PDZRN3: variants seen among roughly 807,000 people sequenced by gnomAD.
The protein encoded by PDZRN3 is PDZ domain containing ring finger 3, also known as E3 ubiquitin-protein ligase PDZRN3.
In PDZRN3, 38 loss-of-function variants were observed where a neutral mutation model predicts 85.7. The observed-to-expected ratio is 0.44, with a 90% CI of 0.34 to 0.58. PDZRN3 has a LOEUF of 0.58. PDZRN3 is among the 20% of genes least tolerant of loss of function. The pLI, the probability that PDZRN3 is intolerant of heterozygous loss-of-function variation, is 0.01. For synonymous variants in PDZRN3, 759 were observed against 638.0 expected (o/e 1.19, Z -2.86); for missense variants, 1,629 against 1,506.4 (o/e 1.08, Z -1.35).
rs1352962689 is a variant in PDZRN3 at position 73,400,951 on chromosome 3, C to G, written c.1225G>C (p.Glu409Gln). The G allele has an allele frequency of 1.9e-6, 3 of 1,613,242 alleles. No homozygotes were observed. The highest frequency in any genetic ancestry group is 2.5e-6 in the Non-Finnish European group (3 of 1,179,234). ...PNDYIGDIHQ[E>Q]MDREELELEE... ...AGCTCCAGCTCCTCCCTGTCCATCT[C>G]CTGATGGATGTCTCCAATGTAGTCA... Residue 409 changes from glutamate to glutamine, a missense_variant, in exon 5 of 10, where the codon GAG becomes CAG. Glu to Gln is a conservative substitution (Grantham distance 29). Transcript: ENST00000263666.
At chr3:73,592,915 A>C (rs1702379803) in intron 3 of PDZRN3, among the ~76,000 whole-genome samples, 1 of 152,162 alleles carries the variant, frequency 6.6e-6, no homozygotes, top group African/African-American at 2.4e-5. Flanking sequence ...TGCTTAGTTT[A>C]GCTCCACAAT....
At chr3:73,586,617 C>CGG (rs568081513) in intron 3 of PDZRN3, among the ~76,000 whole-genome samples, 2 of 152,036 alleles carry the variant, frequency 1.3e-5, no homozygotes, top group Non-Finnish European at 2.9e-5. Flanking sequence ...GACACTTCAC[C>CGG]GGGGGGGTCT....
chr3:73,509,901 GC>G (rs1044246102), intron 3 of PDZRN3, among the ~76,000 whole-genome samples: 26 of 152,326 alleles, frequency 1.7e-4, no homozygotes, highest in African/African-American at 6.3e-4. Context: ...AGGGGCTGAG[GC>G]CTCCAGCCAC....
chr3:73,479,462 T>A (rs115224742), intron 3 of PDZRN3, among the ~76,000 whole-genome samples: 4,399 of 151,984 alleles, frequency 0.029, 202 homozygotes, highest in African/African-American at 0.1. Context: ...TCTCCAGGAA[T>A]ACCGAGGGGA....
intron 3 of PDZRN3, among the ~76,000 whole-genome samples, chr3:73,596,070 G>A (rs1400123834): frequency 2.6e-5 from 4 of 152,096 alleles, no homozygotes. Context: ...TTAACCTGGA[G>A]TATCTTGTGC....
intron 3 of PDZRN3, among the ~76,000 whole-genome samples, chr3:73,589,473 C>T (rs1347714795): frequency 1.3e-5 from 2 of 152,184 alleles, no homozygotes; most frequent in African/African-American, 2.4e-5. Flanking sequence ...ATAGCAATTT[C>T]CTTCCTTGTC....
chr3:73,538,415 T>C (rs909318770), intron 3 of PDZRN3, among the ~76,000 whole-genome samples: 2 of 152,198 alleles, frequency 1.3e-5, no homozygotes, highest in African/African-American at 4.8e-5. Context: ...AAAAAGTCAG[T>C]GTAGTTTTCT....
intron 3 of PDZRN3, among the ~76,000 whole-genome samples, chr3:73,422,690 G>A (rs1702228205): frequency 6.6e-6 from 1 of 152,188 alleles, no homozygotes; most frequent in Non-Finnish European, 1.5e-5. Context: ...CAATTTCTCA[G>A]TGGTGGTTGA....
intron 3 of PDZRN3, among the ~76,000 whole-genome samples, chr3:73,483,095 A>C (rs1002732416): frequency 1.3e-5 from 2 of 152,198 alleles, no homozygotes; most frequent in Admixed American, 6.5e-5. Flanking sequence ...ACTTCAGAGG[A>C]GGTCAATTAA....
At chr3:73,391,388 C>G (rs1433770382) in intron 5 of PDZRN3, among the ~76,000 whole-genome samples, 2 of 152,224 alleles carry the variant, frequency 1.3e-5, no homozygotes, top group East Asian at 3.8e-4. Flanking sequence ...CACTCAGCGT[C>G]AAGACTTCTG....
At chr3:73,584,785 C>G (rs1414620619) in intron 3 of PDZRN3, among the ~76,000 whole-genome samples, 2 of 152,106 alleles carry the variant, frequency 1.3e-5, no homozygotes, top group Non-Finnish European at 2.9e-5. Flanking sequence ...ATTAAATGCA[C>G]TCAAAATTAC....
chr3:73,561,766 G>A (rs955795939), intron 3 of PDZRN3: 8 of 152,182 alleles, frequency 5.3e-5, no homozygotes, highest in Middle Eastern at 3.4e-3. Flanking sequence ...TCTGAGGCAC[G>A]TGTTTGGGCC....
At chr3:73,452,235 C>G (rs1000233731) in intron 3 of PDZRN3, among the ~76,000 whole-genome samples, 5 of 152,060 alleles carry the variant, frequency 3.3e-5, no homozygotes, top group African/African-American at 1.2e-4. Context: ...TGGGGCTACA[C>G]GACTCAAAGG....
chr3:73,398,679 C>T (rs1701689248), intron 5 of PDZRN3, among the ~76,000 whole-genome samples: 2 of 152,210 alleles, frequency 1.3e-5, no homozygotes, highest in South Asian at 4.1e-4. Context: ...AGTCTTAACA[C>T]TTCTTTAATA....
At position 73,400,165 on chromosome 3, in the gene PDZRN3, T is replaced by C. The variant is rs113109243; in HGVS notation, c.1254+757A>G. Among the ~76,000 whole-genome samples, 533 of 152,312 alleles carry C rather than the reference T, an allele frequency of 3.5e-3. 3 individuals are homozygous for C. Among genetic ancestry groups the C allele is most frequent in the African/African-American group, 0.012 (493 of 41,582 alleles). ...TCAGGTGTCTTTTTACCTTATTCCA[T>C]AAAATCAGCTTTCAAAAATGCTGTT... On this transcript the variant is annotated intron_variant, in intron 5 of 9. Coordinates refer to ENST00000263666, the MANE Select transcript of PDZRN3 (RefSeq NM_015009.3).
intron 2 of PDZRN3, among the ~76,000 whole-genome samples, chr3:73,604,457 G>A (rs1277393132): frequency 1.3e-5 from 2 of 152,168 alleles, no homozygotes; most frequent in African/African-American, 4.8e-5. Flanking sequence ...GCTAAAAAGT[G>A]GTATGGCTCA....
At chr3:73,535,104 T>C (rs1461471223) in intron 3 of PDZRN3, among the ~76,000 whole-genome samples, 1 of 152,134 alleles carries the variant, frequency 6.6e-6, no homozygotes, top group Non-Finnish European at 1.5e-5. Context: ...GTCTTTTCCT[T>C]CTGCCTTAAC....
At chr3:73,404,497 A>T in intron 3 of PDZRN3, 102 bp from the exon 4 acceptor site, 1 of 1,278,214 alleles carries the variant, frequency 7.8e-7, no homozygotes, top group Non-Finnish European at 1.1e-6. Flanking sequence ...GCTAAAAGAA[A>T]GAAGCAGGTG....
intron 3 of PDZRN3, among the ~76,000 whole-genome samples, chr3:73,539,236 C>T (rs1309869308): frequency 6.6e-6 from 1 of 152,172 alleles, no homozygotes; most frequent in East Asian, 1.9e-4. Context: ...CTCTTAATGA[C>T]ATAGTTTCGA....
Sources: gnomAD v4.1 joint callset for allele counts (sites outside exome capture counted in the v4.1 genomes callset) on GRCh38, gnomAD v4.1.1 for gene constraint, MANE v1.5 for transcripts, NCBI Gene and HGNC (gene_info 2026-07-23, HGNC 2026-07-21) for gene names.